The following RPA1 variants were observed in gnomAD, a reference collection of about 807,000 sequenced individuals.
RPA1 encodes replication protein A1, also known as replication protein A 70 kDa DNA-binding subunit.
Under a neutral mutation model 83.0 loss-of-function variants are expected in RPA1, and 49 were observed. The observed-to-expected ratio is 0.59, with a 90% CI of 0.47 to 0.75. The LOEUF is 0.75. Ranked by LOEUF, RPA1 falls within the 30% of genes least tolerant of loss-of-function variation. The pLI, the probability that RPA1 is intolerant of heterozygous loss-of-function variation, is 0.00. For missense variants in RPA1, 693 were observed against 776.1 expected (o/e 0.89, Z 1.27); for synonymous variants, 279 against 281.8 (o/e 0.99, Z 0.10).
intron 12 of RPA1, among the ~76,000 whole-genome samples, chr17:1,882,735 A>G (rs562557934): frequency 1.3e-5 from 2 of 152,222 alleles, no homozygotes; most frequent in Admixed American, 6.5e-5. Context: ...TTTTGCTACC[A>G]CGGTATATTG....
In RPA1 at chr17:1,897,548, A is replaced by AC. The variant is rs1597466258; in HGVS notation, c.*375dup. ...CTAGGTTTTTGCTTCTCCAGTGGTG[A>AC]CCACCCCCCCCCATCCCCGCTCACA... is the stretch of plus-strand genomic sequence containing the variant. On this transcript the variant is annotated 3_prime_UTR_variant, in exon 17 of 17. Transcript: ENST00000254719. The AC allele has an allele frequency of 1.3e-5, 2 of 159,744 alleles. No homozygotes were observed. The highest frequency in any genetic ancestry group is 2.6e-5 in the Non-Finnish European group (2 of 75,590). The allele number at this position is 159,744 out of a possible 1,614,324, so 9.9% of individuals were successfully genotyped here.
chr17:1,851,140 T>C (rs1912480529), intron 4 of RPA1, among the ~76,000 whole-genome samples: 1 of 152,154 alleles, frequency 6.6e-6, no homozygotes, highest in Non-Finnish European at 1.5e-5. Context: ...TATTATTTCA[T>C]CCATAAATAT....
At position 1,879,369 on chromosome 17, in the gene RPA1, T is replaced by G. The variant is rs1270751470; in HGVS notation, c.914T>G (p.Ile305Ser). The G allele has an allele frequency of 6.2e-7, 1 of 1,614,180 alleles. No homozygotes were observed. The highest frequency in any genetic ancestry group is 1.7e-5 in the Admixed American group (1 of 60,024). Residue 305 changes from isoleucine (I) to serine (S), a missense_variant, in exon 10 of 17, where the codon ATT (isoleucine) becomes AGT (serine). Coordinates refer to ENST00000254719, the MANE Select transcript of RPA1 (RefSeq NM_002945.5). ...LPTVQFDFTG[I>S]DDLENKSKDS... ...ACGGTTCAGTTTGATTTCACGGGGA[T>G]TGATGACCTCGAGAACAAGTCGAAA...
intron 5 of RPA1, among the ~76,000 whole-genome samples, chr17:1,865,060 G>A (rs1401750981): frequency 1.3e-5 from 2 of 152,256 alleles, no homozygotes; most frequent in Non-Finnish European, 2.9e-5. Flanking sequence ...GGAAAGGAAA[G>A]TTGGAGAATC....
intron 5 of RPA1, among the ~76,000 whole-genome samples, chr17:1,860,954 T>C (rs1471515304): frequency 6.6e-6 from 1 of 152,198 alleles, no homozygotes; most frequent in African/African-American, 2.4e-5. Context: ...GGTGTAGTTA[T>C]TCCCAATACT....
chr17:1,835,912 C>A (rs1423784541), intron 1 of RPA1, among the ~76,000 whole-genome samples: 1 of 151,750 alleles, frequency 6.6e-6, no homozygotes, highest in Non-Finnish European at 1.5e-5. Context: ...CCCTTGAGGC[C>A]AAGAAAGAGT....
intron 16 of RPA1, among the ~76,000 whole-genome samples, chr17:1,895,659 G>GTATGTATGTATTTATTTATTTATT (rs1555596985): frequency 7.1e-6 from 1 of 141,752 alleles, no homozygotes; most frequent in African/African-American, 2.6e-5. Flanking sequence ...ATACCATATA[G>GTATGTATGTATTTATTTATTTATT]TATTTATTTA....
chr17:1,875,669 G>A lies in RPA1; in HGVS notation c.463G>A (p.Val155Ile). 6.2e-7 allele frequency: 1 copy of A among 1,612,752 alleles called. No homozygotes were observed. The highest frequency in any genetic ancestry group is 8.5e-7 in the Non-Finnish European group (1 of 1,179,570). ...QNGSSGMGSTVSKAYGASKTF... is the reference protein window; with the variant it reads ...QNGSSGMGSTISKAYGASKTF... ...TGCGTTTGTTTTTAAAGGTTCTACTGTTTCTAAGGCTTATGGTGCTTCAAA... is the reference window on the plus strand; with the variant it reads ...TGCGTTTGTTTTTAAAGGTTCTACTATTTCTAAGGCTTATGGTGCTTCAAA... Residue 155 changes from valine (V) to isoleucine (I), a missense_variant, in exon 7 of 17, where the codon GTT becomes ATT. By Grantham distance (29) the Val-to-Ile change is conservative (BLOSUM62 3). Transcript: ENST00000254719.
intron 16 of RPA1, 98 bp from the exon 17 acceptor site, chr17:1,896,973 C>A: frequency 1.0e-6 from 1 of 954,476 alleles, no homozygotes; most frequent in Non-Finnish European, 1.7e-6. Context: ...TGCGTCTGTT[C>A]CCTCCCGCTG....
At chr17:1,875,921 T>TA in intron 7 of RPA1, 128 bp downstream of exon 7, 121 of 754,822 alleles carry the variant, frequency 1.6e-4, no homozygotes, top group Non-Finnish European at 1.9e-4. Flanking sequence ...ATGGGTTTAC[T>TA]CTTTTTTTTT....
intron 4 of RPA1, among the ~76,000 whole-genome samples, chr17:1,852,567 C>A (rs964698140): frequency 6.6e-6 from 1 of 152,100 alleles, no homozygotes; most frequent in African/African-American, 2.4e-5. Flanking sequence ...GGCAGCGGCA[C>A]GGGAGGGGGG....
At chr17:1,885,374 T>C (rs897854922) in intron 13 of RPA1, among the ~76,000 whole-genome samples, 2 of 152,158 alleles carry the variant, frequency 1.3e-5, no homozygotes, top group African/African-American at 4.8e-5. Flanking sequence ...TCCACCAAAG[T>C]CTTGAAGCCT....
chr17:1,897,017 C>T, intron 16 of RPA1, 54 bp from the exon 17 acceptor site: 4 of 1,466,584 alleles, frequency 2.7e-6, no homozygotes, highest in Non-Finnish European at 2.8e-6. Context: ...AAAGGGGTTT[C>T]ACTGCTCCAC....
chr17:1,876,194 C>G (rs1913566878), intron 7 of RPA1, among the ~76,000 whole-genome samples: 1 of 152,162 alleles, frequency 6.6e-6, no homozygotes. Flanking sequence ...ATAATCTGCA[C>G]TATTTGTATT....
chr17:1,831,980 G>A (rs1472664354), intron 1 of RPA1, among the ~76,000 whole-genome samples: 1 of 144,328 alleles, frequency 6.9e-6, no homozygotes, highest in Non-Finnish European at 1.5e-5. Flanking sequence ...CCAGGCTGGA[G>A]TGCGGTGGCG....
chr17:1,835,821 C>T (rs1006985799), intron 1 of RPA1, among the ~76,000 whole-genome samples: 4 of 151,994 alleles, frequency 2.6e-5, no homozygotes, highest in Non-Finnish European at 5.9e-5. Context: ...TAAAATCAAA[C>T]GGAACAGAAA....
chr17:1,842,352 C>G (rs376868874), intron 1 of RPA1, among the ~76,000 whole-genome samples: 14 of 152,208 alleles, frequency 9.2e-5, no homozygotes, highest in African/African-American at 3.4e-4. Flanking sequence ...ATTATAAATT[C>G]AATTTCTTTA....
intron 1 of RPA1, among the ~76,000 whole-genome samples, chr17:1,836,071 G>A (rs1245656264): frequency 1.3e-5 from 2 of 152,048 alleles, no homozygotes; most frequent in Non-Finnish European, 2.9e-5. Context: ...AAAAATCACT[G>A]TCATTGACAT....
rs745822945 is a variant in RPA1, at chr17:1,887,685, C to T, written c.1375-990C>T. Among the ~76,000 whole-genome samples, 9 of 151,844 alleles carry T rather than the reference C, an allele frequency of 5.9e-5. No individual in the cohort carries two copies. The South Asian group carries it at 6.2e-4, about 11-fold the overall frequency. On this transcript the variant is annotated intron_variant, in intron 13 of 16. Transcript: ENST00000254719. The stretch of plus-strand genomic sequence containing the variant: ...GGTGGATCACTTGAGGTTTGGAGTT[C>T]GAGACCAGCCTACCCAACATGGCAA...
Sources: allele counts gnomAD v4.1 joint callset (sites outside exome capture counted in the v4.1 genomes callset), GRCh38; gene constraint gnomAD v4.1.1; transcripts MANE v1.5; gene names NCBI Gene and HGNC (gene_info 2026-07-23, HGNC 2026-07-21).